AFG1L: variants seen among roughly 807,000 people sequenced by gnomAD.
AFG1L encodes AFG1 like ATPase.
AFG1L carries 53 observed loss-of-function variants against 62.2 expected under a neutral mutation model. The observed-to-expected ratio is 0.85, with a 90% CI of 0.68 to 1.07. The LOEUF (loss-of-function observed/expected upper bound fraction) is 1.07, where lower values mean the gene tolerates loss of function less well. Among genes scored for constraint, AFG1L ranks in the 50% least tolerant of loss-of-function variants. AFG1L has a pLI of 0.00. For synonymous variants in AFG1L, 228 were observed against 210.3 expected (o/e 1.08, Z -0.73); for missense variants, 555 against 590.5 (o/e 0.94, Z 0.62).
chr6:108,300,662 G>A (rs1776954618), intron 1 of AFG1L, among the ~76,000 whole-genome samples: 1 of 151,170 alleles, frequency 6.6e-6, no homozygotes, highest in Non-Finnish European at 1.5e-5. Context: ...ACTGGTTATA[G>A]CGTTTGAACT....
chr6:108,362,718 T>A (rs1055557499), intron 5 of AFG1L, among the ~76,000 whole-genome samples: 7 of 152,224 alleles, frequency 4.6e-5, no homozygotes, highest in Admixed American at 2.0e-4. Context: ...ACAGTTTAAG[T>A]CCAGCACTAA....
At chr6:108,404,587 A>G (rs1207536699) in intron 7 of AFG1L, among the ~76,000 whole-genome samples, 1 of 151,810 alleles carries the variant, frequency 6.6e-6, no homozygotes, top group Non-Finnish European at 1.5e-5. Flanking sequence ...TTTTTTTCCT[A>G]TCAATTACTG....
At chr6:108,441,555 A>C (rs1771546229) in intron 7 of AFG1L, among the ~76,000 whole-genome samples, 1 of 151,958 alleles carries the variant, frequency 6.6e-6, no homozygotes, top group Non-Finnish European at 1.5e-5. Flanking sequence ...ATATCACTGG[A>C]AATTAGGAAA....
intron 7 of AFG1L, among the ~76,000 whole-genome samples, chr6:108,417,291 A>G (rs573951730): frequency 6.6e-6 from 1 of 150,432 alleles, no homozygotes; most frequent in Admixed American, 6.6e-5. Flanking sequence ...CACACACAAA[A>G]AAAAAACGGG....
chr6:108,418,745 A>G (rs1485661008), intron 7 of AFG1L, among the ~76,000 whole-genome samples: 3 of 152,234 alleles, frequency 2.0e-5, no homozygotes, highest in Non-Finnish European at 4.4e-5. Flanking sequence ...CATACATTTA[A>G]AAGGAATAAT....
chr6:108,442,187 TTC>T (rs1366749069), intron 7 of AFG1L, among the ~76,000 whole-genome samples: 10 of 151,108 alleles, frequency 6.6e-5, no homozygotes, highest in South Asian at 2.1e-4. Flanking sequence ...TTTTTCCTTC[TTC>T]TTTTTTTTTT....
chr6:108,352,726 A>G (rs1216456649), intron 3 of AFG1L, among the ~76,000 whole-genome samples: 1 of 151,280 alleles, frequency 6.6e-6, no homozygotes, highest in Non-Finnish European at 1.5e-5. Context: ...CACAATGCCC[A>G]ACTAATTTTT....
intron 2 of AFG1L, among the ~76,000 whole-genome samples, chr6:108,342,476 C>T (rs1408129560): frequency 6.6e-6 from 1 of 152,138 alleles, no homozygotes; most frequent in African/African-American, 2.4e-5. Context: ...ATGTGGGTTC[C>T]TAAGGGACAG....
intron 7 of AFG1L, among the ~76,000 whole-genome samples, chr6:108,422,256 C>A (rs1360464421): frequency 6.6e-6 from 1 of 151,760 alleles, no homozygotes; most frequent in Non-Finnish European, 1.5e-5. Context: ...CCGATATCCA[C>A]TACTGGGAAG....
At chr6:108,297,456 CAG>C (rs931370510) in intron 1 of AFG1L, among the ~76,000 whole-genome samples, 29 of 152,286 alleles carry the variant, frequency 1.9e-4, no homozygotes, top group African/African-American at 6.7e-4. Context: ...GTTCAGTATT[CAG>C]AGTCTGATTT....
At chr6:108,326,698 G>T (rs192384072) in intron 2 of AFG1L, among the ~76,000 whole-genome samples, 3 of 152,158 alleles carry the variant, frequency 2.0e-5, no homozygotes, top group Non-Finnish European at 4.4e-5. Context: ...AGTGGCTCAC[G>T]CCTGTAATCC....
chr6:108,401,606 T>C (rs986321218), intron 6 of AFG1L, among the ~76,000 whole-genome samples: 1 of 152,164 alleles, frequency 6.6e-6, no homozygotes, highest in African/African-American at 2.4e-5. Context: ...ATTTTCATTA[T>C]AGATTGAGAA....
At chr6:108,308,412 A>T (rs1777286292) in intron 1 of AFG1L, among the ~76,000 whole-genome samples, 1 of 152,158 alleles carries the variant, frequency 6.6e-6, no homozygotes, top group Non-Finnish European at 1.5e-5. Flanking sequence ...TGGCCCCTCA[A>T]AGTGTTGGGA....
chr6:108,466,759 A>AC (rs746898110), intron 8 of AFG1L, among the ~76,000 whole-genome samples: 87,019 of 137,040 alleles, frequency 0.63, 27,975 homozygotes, highest in African/African-American at 0.88. Flanking sequence ...ATATTTGTTA[A>AC]AATATATATA....
intron 8 of AFG1L, among the ~76,000 whole-genome samples, chr6:108,470,663 C>A (rs1456571660): frequency 6.6e-6 from 1 of 152,144 alleles, no homozygotes; most frequent in Non-Finnish European, 1.5e-5. Context: ...TTTTGTGATG[C>A]TAGGAACAGT....
intron 10 of AFG1L, among the ~76,000 whole-genome samples, chr6:108,496,560 T>C (rs1362685422): frequency 1.3e-5 from 2 of 152,126 alleles, no homozygotes; most frequent in Non-Finnish European, 2.9e-5. Context: ...TCATGATGTA[T>C]TGTAATATTA....
At chr6:108,486,134 G>A (rs1773562769) in intron 10 of AFG1L, among the ~76,000 whole-genome samples, 2 of 152,164 alleles carry the variant, frequency 1.3e-5, no homozygotes, top group Non-Finnish European at 2.9e-5. Flanking sequence ...GAGAAAACAA[G>A]TCTAATTCAA....
intron 10 of AFG1L, among the ~76,000 whole-genome samples, chr6:108,495,161 G>A (rs1220174444): frequency 6.6e-6 from 1 of 152,094 alleles, no homozygotes; most frequent in African/African-American, 2.4e-5. Context: ...TTTTCAGTTT[G>A]TTTTGAAAAG....
chr6:108,460,767 C>T (rs1316489024), intron 8 of AFG1L, among the ~76,000 whole-genome samples: 2 of 152,110 alleles, frequency 1.3e-5, no homozygotes, highest in African/African-American at 4.8e-5. Flanking sequence ...ACCATCCTGG[C>T]TAACACGGTG....
Sources: gnomAD v4.1 joint callset for allele counts (sites outside exome capture counted in the v4.1 genomes callset) on GRCh38, gnomAD v4.1.1 for gene constraint, MANE v1.5 for transcripts, NCBI Gene and HGNC (gene_info 2026-07-23, HGNC 2026-07-21) for gene names.